Variants in DIPK1B observed in about 807,000 individuals in gnomAD.
DIPK1B encodes the protein divergent protein kinase domain 1B.
In DIPK1B, 17 loss-of-function variants were observed where a neutral mutation model predicts 20.7. The ratio of observed to expected loss-of-function variants is 0.82; its 90% CI spans 0.56 to 1.23. The LOEUF is 1.23. Among genes scored for constraint, DIPK1B ranks in the 50% most tolerant of loss-of-function variants. DIPK1B has a pLI of 0.00. For synonymous variants in DIPK1B, 343 were observed against 276.5 expected (o/e 1.24, Z -2.39); for missense variants, 648 against 601.8 (o/e 1.08, Z -0.80).
chr9:136,723,475 C>G lies in DIPK1B; in HGVS notation c.997C>G (p.Arg333Gly), dbSNP rs528228625. ...CGTGCGCCGCTTCCTGCAGGGCCGC[C>G]GCTGCGAGCACAGCACCGACTGCAC... ...ATVRRFLQGRRCEHSTDCTYG... is the reference protein window; with the variant it reads ...ATVRRFLQGRGCEHSTDCTYG... Residue 333 changes from arginine (R) to glycine (G), a missense_variant, in exon 5 of 5, where the codon CGC (arginine) becomes GGC (glycine). Coordinates refer to ENST00000371692, the MANE Select transcript of DIPK1B (RefSeq NM_152421.4). The G allele has an allele frequency of 3.3e-5, 53 of 1,610,408 alleles. No individual in the cohort carries two copies. In the Admixed American group the frequency reaches 6.7e-4, roughly 20 times the overall value.
Position 136,723,263 on chromosome 9 carries a change from A to C in DIPK1B, c.785A>C (p.Gln262Pro). ...CCTGCCCTGCAGGGTGCTCTCCAGC[A>C]GTGGCTGGGGCCTGCGTGGCCTTGG... Reference protein sequence around the residue: ...LPPALQGALQQWLGPAWPWRA... With the variant: ...LPPALQGALQPWLGPAWPWRA... Residue 262 changes from glutamine to proline, a missense_variant, in exon 5 of 5, where the codon CAG becomes CCG. Coordinates refer to ENST00000371692, the MANE Select transcript of DIPK1B (RefSeq NM_152421.4). The C allele has an allele frequency of 6.2e-7, 1 of 1,612,764 alleles. No individual in the cohort carries two copies. Among genetic ancestry groups the C allele is most frequent in the Non-Finnish European group, 8.5e-7 (1 of 1,179,772 alleles).
intron 1 of DIPK1B, among the ~76,000 whole-genome samples, chr9:136,713,652 T>TGG (rs1484819240): frequency 6.6e-6 from 1 of 151,828 alleles, no homozygotes; most frequent in Admixed American, 6.6e-5. Flanking sequence ...CGCTGGGAGG[T>TGG]GGGGTGCACA....
At chr9:136,716,428 C>T (rs983110528) in intron 1 of DIPK1B, among the ~76,000 whole-genome samples, 1 of 151,710 alleles carries the variant, frequency 6.6e-6, no homozygotes, top group Non-Finnish European at 1.5e-5. Flanking sequence ...TCACCATGTC[C>T]AGCTAATTTT....
At chr9:136,717,509 TG>T in intron 1 of DIPK1B, 67 bp from the exon 2 acceptor site, 1 of 1,545,816 alleles carries the variant, frequency 6.5e-7, no homozygotes, top group Non-Finnish European at 8.7e-7. Flanking sequence ...CTGTGGGAAG[TG>T]GGGTTGAGAG....
At chr9:136,722,785 C>G in intron 4 of DIPK1B, 177 bp from the exon 5 acceptor site, 1 of 631,350 alleles carries the variant, frequency 1.6e-6, no homozygotes, top group Non-Finnish European at 2.6e-6. Flanking sequence ...GCAGAGTGAG[C>G]TGACACATTG....
At position 136,722,183 on chromosome 9, in the gene DIPK1B, CCCT is replaced by C. The variant is rs755651211; in HGVS notation, c.367_369del (p.Leu123del). 38 of 1,613,878 alleles carry C rather than the reference CCCT, an allele frequency of 2.4e-5. No individual in the cohort carries two copies. The highest frequency in any genetic ancestry group is 3.1e-5 in the Non-Finnish European group (37 of 1,179,984). ...ACCATCAAGTGTGGCATTGAGGAGA[CCCT>C]CGACTCCAAGGCCCGGTCGGATGCG... On this transcript the variant is annotated inframe_deletion, in exon 4 of 5. Coordinates refer to ENST00000371692, the MANE Select transcript of DIPK1B (RefSeq NM_152421.4).
intron 4 of DIPK1B, 198 bp downstream of exon 4, chr9:136,722,499 G>C: frequency 1.4e-6 from 1 of 691,024 alleles, no homozygotes; most frequent in Non-Finnish European, 2.4e-6. Context: ...GCAAGGGTTG[G>C]GGGCGCCGGT....
intron 1 of DIPK1B, among the ~76,000 whole-genome samples, chr9:136,714,527 C>T (rs939427142): frequency 1.3e-5 from 2 of 152,184 alleles, no homozygotes; most frequent in African/African-American, 2.4e-5. Context: ...TCCGAGGCCC[C>T]GCCCATGCTG....
Position 136,723,176 on chromosome 9 carries a change from G to A in DIPK1B, c.698G>A (p.Gly233Asp), listed in dbSNP as rs143382594. 1.1e-5 allele frequency: 17 copies of A among 1,613,002 alleles called. No individual in the cohort carries two copies. In the African/African-American group the frequency reaches 2.3e-4, roughly 21 times the overall value. ...TGTGGGGACCTCTACCTCACCGAGG[G>A]CGTGCCGCATGGCGCCTGGCACGCG... The part of the protein sequence containing the change: ...GYCGDLYLTE[G>D]VPHGAWHAAA... Residue 233 changes from glycine (G) to aspartate (D), a missense_variant, in exon 5 of 5, where the codon GGC becomes GAC. Gly to Asp is a moderately conservative substitution (Grantham distance 94). Transcript: ENST00000371692.
Position 136,717,185 on chromosome 9 carries a change from C to T in DIPK1B, c.64-392C>T, listed in dbSNP as rs368980463. On this transcript the variant is annotated intron_variant, in intron 1 of 4. Coordinates refer to ENST00000371692, the MANE Select transcript of DIPK1B (RefSeq NM_152421.4). The stretch of plus-strand genomic sequence containing the variant: ...CAGAGGTTGCAGTGAGCCGAGATCG[C>T]GCCACTGCACTCCAGCCTGGGCTAC... Among the ~76,000 whole-genome samples, 123 of 151,490 alleles carry T rather than the reference C, an allele frequency of 8.1e-4. 1 individual carries two copies. The East Asian group carries it at 0.019, about 23-fold the overall frequency.
At chr9:136,719,125 G>A (rs1036810856) in intron 2 of DIPK1B, among the ~76,000 whole-genome samples, 3 of 148,362 alleles carry the variant, frequency 2.0e-5, no homozygotes, top group African/African-American at 4.9e-5. Context: ...TGGAGGGGCC[G>A]GACCTCCGGG....
intron 1 of DIPK1B, among the ~76,000 whole-genome samples, chr9:136,716,986 T>G (rs1224465178): frequency 6.6e-6 from 1 of 152,116 alleles, no homozygotes; most frequent in Non-Finnish European, 1.5e-5. Flanking sequence ...CCCAGCACTT[T>G]GGGAGGCCAA....
At chr9:136,718,600 G>A (rs1224997259) in intron 2 of DIPK1B, among the ~76,000 whole-genome samples, 10 of 152,320 alleles carry the variant, frequency 6.6e-5, no homozygotes, top group East Asian at 1.9e-4. Context: ...CAGGCTGCCC[G>A]ATGACCAGGG....
rs543037664 is a variant in DIPK1B, at chr9:136,715,022, G to A, written c.63+2294G>A. Among the ~76,000 whole-genome samples, 28 of 152,354 alleles carry A rather than the reference G, an allele frequency of 1.8e-4. No homozygotes were observed. In the Middle Eastern group the frequency reaches 0.014, roughly 74 times the overall value. On this transcript the variant is annotated intron_variant, in intron 1 of 4. Coordinates refer to ENST00000371692, the MANE Select transcript of DIPK1B (RefSeq NM_152421.4). ...CGGCCTAAGCCGGGCTGCAGCCCAC[G>A]ACCTCTGATGGGGGCTCTGGCTTGG...
In DIPK1B at chr9:136,722,944, T is replaced by G; in HGVS notation, c.484-18T>G. On this transcript the variant is annotated intron_variant, in intron 4 of 4. Transcript: ENST00000371692. ...TCAAATCAGCTGGCTTTTCCTTTCT[T>G]TTGGTCCCAAACGCCAGGCGAACCT... 6.3e-7 allele frequency: 1 copy of G among 1,588,998 alleles called. No homozygotes were observed. Among genetic ancestry groups the G allele is most frequent in the South Asian group, 1.1e-5 (1 of 88,528 alleles).
intron 2 of DIPK1B, among the ~76,000 whole-genome samples, chr9:136,719,940 G>A (rs1001665801): frequency 1.5e-3 from 56 of 36,684 alleles, no homozygotes; most frequent in African/African-American, 2.8e-3. Context: ...CTGGGGCTCC[G>A]GGTGCAGGGG....
At position 136,712,788 on chromosome 9, in the gene DIPK1B, G is replaced by A; in HGVS notation, c.63+60G>A. ...CTCTGCCTGGGGAGGCCGAGCTCCA[G>A]CCCCGGAGTGGGCCGAGTACGGAGC... On this transcript the variant is annotated intron_variant, in intron 1 of 4. Transcript: ENST00000371692. This position sits in a 1 kb window ranked among gnomAD's most constrained non-coding sequence, Gnocchi z 5.6. 1 of 1,202,602 alleles carries A rather than the reference G, an allele frequency of 8.3e-7. No individual in the cohort carries two copies. The highest frequency in any genetic ancestry group is 1.1e-6 in the Non-Finnish European group (1 of 947,550). 74.5% of individuals were successfully genotyped at this position (1,202,602 alleles called of 1,614,324 possible). A position where few individuals can be genotyped will look rare whatever the true frequency, so the allele number is the denominator to read the frequency against.
chr9:136,721,890 C>G (rs761121976), intron 2 of DIPK1B, 31 bp from the exon 3 acceptor site: 2 of 1,602,850 alleles, frequency 1.2e-6, no homozygotes, highest in South Asian at 1.1e-5. Context: ...TGTGGCTGCC[C>G]CGCCCGGCAC....
intron 2 of DIPK1B, among the ~76,000 whole-genome samples, chr9:136,719,752 C>T (rs1011643244): frequency 6.6e-6 from 1 of 152,242 alleles, no homozygotes; most frequent in African/African-American, 2.4e-5. Context: ...GGAGCCCCAG[C>T]CCCAGCCCCA....
Sources: allele counts gnomAD v4.1 joint callset (sites outside exome capture counted in the v4.1 genomes callset), GRCh38; gene constraint gnomAD v4.1.1; non-coding constraint Gnocchi (gnomAD v3.1); transcripts MANE v1.5; gene names NCBI Gene and HGNC (gene_info 2026-07-23, HGNC 2026-07-21).